Variants in USH2A observed in about 807,000 individuals in gnomAD.
USH2A encodes the protein usherin.
Under a neutral mutation model 538.9 loss-of-function variants are expected in USH2A, and 443 were observed. The observed-to-expected ratio is 0.82, with a 90% CI of 0.76 to 0.89. The LOEUF (loss-of-function observed/expected upper bound fraction) is 0.89. Ranked by LOEUF, USH2A falls within the 40% of genes least tolerant of loss-of-function variation. The pLI is 0.00. For missense variants in USH2A, 6,633 were observed against 6,324.8 expected (o/e 1.05, Z -1.65); for synonymous variants, 2,413 against 2,273.5 (o/e 1.06, Z -1.75).
intron 61 of USH2A, among the ~76,000 whole-genome samples, chr1:215,699,812 T>C (rs553162967): frequency 4.6e-5 from 7 of 152,366 alleles, no homozygotes; most frequent in African/African-American, 1.7e-4. Flanking sequence ...TTATCTTGCC[T>C]GATTGCCCTG....
intron 18 of USH2A, among the ~76,000 whole-genome samples, chr1:216,197,518 G>A (rs766948723): frequency 7.2e-5 from 11 of 152,138 alleles, no homozygotes; most frequent in Non-Finnish European, 1.2e-4. Context: ...GTCATTAAGA[G>A]ATGCTCAAGC....
chr1:216,299,707 TA>T (rs1486250832), intron 9 of USH2A, among the ~76,000 whole-genome samples: 1 of 152,122 alleles, frequency 6.6e-6, no homozygotes, highest in East Asian at 1.9e-4. Context: ...AGTTTTAAAT[TA>T]CACACAGATG....
At chr1:215,823,004 C>T (rs763628873) in intron 47 of USH2A, among the ~76,000 whole-genome samples, 27 of 152,036 alleles carry the variant, frequency 1.8e-4, no homozygotes, top group African/African-American at 4.3e-4. Context: ...TCTCTTAACA[C>T]GTTGCTGTAC....
At chr1:216,338,682 A>T (rs939827830) in intron 4 of USH2A, among the ~76,000 whole-genome samples, 2 of 151,618 alleles carry the variant, frequency 1.3e-5, no homozygotes, top group African/African-American at 4.8e-5. Context: ...GCAGATTATA[A>T]GTGTAACTTT....
At chr1:215,952,783 C>T (rs1190227662) in intron 37 of USH2A, among the ~76,000 whole-genome samples, 1 of 152,188 alleles carries the variant, frequency 6.6e-6, no homozygotes, top group Non-Finnish European at 1.5e-5. Context: ...TTGTGGGTAA[C>T]CCGACCTTTC....
chr1:216,395,861 C>T (rs2039203242), intron 3 of USH2A, among the ~76,000 whole-genome samples: 2 of 152,078 alleles, frequency 1.3e-5, no homozygotes, highest in African/African-American at 4.8e-5. Flanking sequence ...GTCAGTAGTG[C>T]CAAGATTGAG....
Position 216,324,283 on chromosome 1 carries a change from T to G in USH2A, c.1213A>C (p.Asn405His). 6.2e-7 allele frequency: 1 copy of G among 1,613,294 alleles called. No individual in the cohort carries two copies. Among genetic ancestry groups the G allele is most frequent in the Non-Finnish European group, 8.5e-7 (1 of 1,179,646 alleles). Residue 405 changes from asparagine (N) to histidine (H), a missense_variant, in exon 7 of 72, where the codon AAT (asparagine) becomes CAT (histidine). Coordinates refer to ENST00000307340, the MANE Select transcript of USH2A (RefSeq NM_206933.4). ...TGCCAGTCCTCCCAATCTAAACTAT[T>G]TTCCTTCTTCCTTTGAATCCTTATT... ...TEIRIQRKKE[N>H]SLDWEDWQYF...
At chr1:216,054,613 A>G (rs563672911) in intron 30 of USH2A, among the ~76,000 whole-genome samples, 1 of 152,268 alleles carries the variant, frequency 6.6e-6, no homozygotes, top group African/African-American at 2.4e-5. Context: ...TCAGAGAAGA[A>G]AAAAGGACTC....
At chr1:216,236,029 A>G (rs1447714448) in intron 13 of USH2A, among the ~76,000 whole-genome samples, 1 of 152,178 alleles carries the variant, frequency 6.6e-6, no homozygotes, top group Non-Finnish European at 1.5e-5. Flanking sequence ...TAAAACAATA[A>G]TAATTTTCCT....
chr1:216,070,215 C>T lies in USH2A; in HGVS notation c.5935G>A (p.Val1979Ile), dbSNP rs763385436. 2 of 1,613,976 alleles carry T rather than the reference C, an allele frequency of 1.2e-6. No homozygotes were observed. The highest frequency in any genetic ancestry group is 1.7e-6 in the Non-Finnish European group (2 of 1,179,912). ...YSIEVTWDEP[V>I]VRGVIEKYIL... ...TACTTCTCAATTACACCTCTGACAACAGGTTCATCCCAGGTCACCTCAATG... is the reference window on the plus strand; with the variant it reads ...TACTTCTCAATTACACCTCTGACAATAGGTTCATCCCAGGTCACCTCAATG... The change falls in exon 30 of 72, where the codon GTT (valine) becomes ATT (isoleucine). Residue 1979 changes from valine to isoleucine, a missense_variant. Val to Ile is a conservative substitution (Grantham distance 29). Transcript: ENST00000307340.
At chr1:216,271,111 C>T (rs764863172) in intron 11 of USH2A, among the ~76,000 whole-genome samples, 3 of 152,074 alleles carry the variant, frequency 2.0e-5, no homozygotes, top group Non-Finnish European at 4.4e-5. Context: ...CTTGGTACAC[C>T]TCTGTGTCAC....
At chr1:216,166,772 G>C (rs576081860) in intron 21 of USH2A, among the ~76,000 whole-genome samples, 1 of 152,070 alleles carries the variant, frequency 6.6e-6, no homozygotes, top group Non-Finnish European at 1.5e-5. Context: ...AAAAAATGAA[G>C]GGAAGAAGCT....
In USH2A at chr1:215,970,661, T is replaced by C. The variant is rs761029632; in HGVS notation, c.6921A>G (p.Gln2307=). ...APWSLHSFRV[Q]ACTAKGCALG... The stretch of plus-strand genomic sequence containing the variant: ...GAGCACAACCTTTGGCCGTGCATGC[T>C]TGGACTCTGAAGGAATGTAAACTCC... Residue 2307 remains glutamine (Q), a synonymous_variant, in exon 36 of 72, where the codon CAA becomes CAG. Transcript: ENST00000307340. The C allele has an allele frequency of 6.2e-6, 10 of 1,613,550 alleles. No homozygotes were observed. Among genetic ancestry groups the C allele is most frequent in the African/African-American group, 1.3e-5 (1 of 74,888 alleles).
chr1:215,732,855 T>C (rs902550465), intron 60 of USH2A, among the ~76,000 whole-genome samples: 2 of 152,108 alleles, frequency 1.3e-5, no homozygotes, highest in Non-Finnish European at 2.9e-5. Context: ...CTTTTTTCTA[T>C]AGACTAACTA....
intron 55 of USH2A, 76 bp downstream of exon 55, chr1:215,779,766 AC>A: frequency 6.4e-7 from 1 of 1,553,586 alleles, no homozygotes; most frequent in Non-Finnish European, 8.8e-7. Flanking sequence ...TCAAACACAC[AC>A]CCCTGGGATG....
intron 32 of USH2A, among the ~76,000 whole-genome samples, chr1:216,003,287 A>C (rs142381475): frequency 6.6e-6 from 1 of 152,060 alleles, no homozygotes; most frequent in Admixed American, 6.6e-5. Flanking sequence ...AGATTATCCA[A>C]GGTATTATGA....
At chr1:215,939,780 T>C (rs1374348141) in intron 37 of USH2A, among the ~76,000 whole-genome samples, 1 of 152,146 alleles carries the variant, frequency 6.6e-6, no homozygotes, top group South Asian at 2.1e-4. Context: ...TTTTTTTCTC[T>C]GTGCTGGACT....
intron 11 of USH2A, among the ~76,000 whole-genome samples, chr1:216,283,273 A>G (rs1242974455): frequency 1.3e-5 from 2 of 151,904 alleles, no homozygotes; most frequent in Non-Finnish European, 2.9e-5. Context: ...TGTATTTGTA[A>G]TAGAGATGGG....
intron 21 of USH2A, among the ~76,000 whole-genome samples, chr1:216,172,518 A>T (rs1413817773): frequency 6.6e-6 from 1 of 152,104 alleles, no homozygotes; most frequent in African/African-American, 2.4e-5. Context: ...GGTTTCAAGG[A>T]TTTGCTCATT....
Sources: gnomAD v4.1 joint callset for allele counts (sites outside exome capture counted in the v4.1 genomes callset) on GRCh38, gnomAD v4.1.1 for gene constraint, MANE v1.5 for transcripts, NCBI Gene and HGNC (gene_info 2026-07-23, HGNC 2026-07-21) for gene names.